YPEL2: variants seen among roughly 807,000 people sequenced by gnomAD.
YPEL2 encodes protein yippee-like 2.
A neutral mutation model predicts 19.1 loss-of-function variants in YPEL2; 2 were observed. That is an observed-to-expected ratio of 0.10 (90% CI 0.04 to 0.33). The LOEUF (loss-of-function observed/expected upper bound fraction) is 0.33. YPEL2 is among the 10% of genes least tolerant of loss of function. The pLI, the probability that YPEL2 is intolerant of heterozygous loss-of-function variation, is 1.00. For synonymous variants in YPEL2, 52 were observed against 50.0 expected (o/e 1.04, Z -0.17); for missense variants, 66 against 140.7 (o/e 0.47, Z 2.68).
At chr17:59,366,887 A>G (rs9906811) in intron 2 of YPEL2, among the ~76,000 whole-genome samples, 2,152 of 152,210 alleles carry the variant, frequency 0.014, 52 homozygotes, top group African/African-American at 0.049. Context: ...AAAAAACACA[A>G]AGTGTGTCTG....
At position 59,389,368 on chromosome 17, in the gene YPEL2, T is replaced by G; in HGVS notation, c.170T>G (p.Val57Gly). ...RAYLFNSVVN[V>G]GCGPAEERVL... ...CTTGTGCCTCGACATAGAGTTAATGTGGGCTGTGGGCCTGCAGAAGAGCGA... is the reference window on the plus strand; with the variant it reads ...CTTGTGCCTCGACATAGAGTTAATGGGGGCTGTGGGCCTGCAGAAGAGCGA... Residue 57 changes from valine (V) to glycine (G), a missense_variant, in exon 4 of 5, where the codon GTG (valine) becomes GGG (glycine). By Grantham distance (109) the Val-to-Gly change is moderately radical. Transcript: ENST00000312655. 6.2e-7 allele frequency: 1 copy of G among 1,613,990 alleles called. No individual in the cohort carries two copies.
In YPEL2 at chr17:59,375,188, C is replaced by T. The variant is rs1222995225; in HGVS notation, c.118-13139C>T. ...GCTTCAGGTGCATGGTTGACCTTTG[C>T]GCATAGGGAGGGGTCTTTCAAATCC... is the stretch of plus-strand genomic sequence containing the variant. On this transcript the variant is annotated intron_variant, in intron 2 of 4. Coordinates refer to ENST00000312655, the MANE Select transcript of YPEL2 (RefSeq NM_001005404.4). Among the ~76,000 whole-genome samples, 7 of 152,010 alleles carry T rather than the reference C, an allele frequency of 4.6e-5. No individual in the cohort carries two copies. In the East Asian group the frequency reaches 7.7e-4, roughly 17 times the overall value.
intron 1 of YPEL2, among the ~76,000 whole-genome samples, chr17:59,332,125 A>G (rs1436359642): frequency 1.3e-5 from 2 of 151,868 alleles, no homozygotes; most frequent in East Asian, 3.9e-4. Flanking sequence ...GGGCTGGGCG[A>G]GTCTGCGGGG....
intron 2 of YPEL2, among the ~76,000 whole-genome samples, chr17:59,377,599 G>C (rs1309872719): frequency 6.6e-6 from 1 of 152,228 alleles, no homozygotes; most frequent in Non-Finnish European, 1.5e-5. Flanking sequence ...GGCAGCATCT[G>C]CTTTCCCACT....
At chr17:59,393,354 TCTCAAACCGGC>T (rs1456972198) in intron 4 of YPEL2, among the ~76,000 whole-genome samples, 1 of 150,240 alleles carries the variant, frequency 6.7e-6, no homozygotes, top group Non-Finnish European at 1.5e-5. Flanking sequence ...CCCAGGCTGG[TCTCAAACCGGC>T]CTCAAGCAGT....
intron 2 of YPEL2, among the ~76,000 whole-genome samples, chr17:59,372,613 C>T (rs926643736): frequency 1.3e-5 from 2 of 152,208 alleles, no homozygotes; most frequent in African/African-American, 4.8e-5. Flanking sequence ...TCTCCGCTCC[C>T]TTCAGTAAGG....
chr17:59,382,620 G>A (rs915498524), intron 2 of YPEL2, among the ~76,000 whole-genome samples: 1 of 152,132 alleles, frequency 6.6e-6, no homozygotes, highest in Admixed American at 6.5e-5. Context: ...ATGAACATTT[G>A]TATAATTTAA....
chr17:59,353,208 G>A lies in YPEL2; in HGVS notation c.-195-7G>A. On this transcript the variant is annotated splice_region_variant and splice_polypyrimidine_tract_variant and intron_variant, in intron 1 of 4. Transcript: ENST00000312655. The surrounding 1 kb of genome is among the most constrained non-coding windows in gnomAD (Gnocchi z 4.8). ...CCAATGTTAGTCCTCTTCCCTTGATGTTACAGGCTGCTGAGAACTAGCCCT... is the reference window on the plus strand; with the variant it reads ...CCAATGTTAGTCCTCTTCCCTTGATATTACAGGCTGCTGAGAACTAGCCCT... 1 of 497,242 alleles carries A rather than the reference G, an allele frequency of 2.0e-6. No individual in the cohort carries two copies. Among genetic ancestry groups the A allele is most frequent in the Non-Finnish European group, 3.6e-6 (1 of 281,114 alleles). The allele number at this position is 497,242 out of a possible 1,614,324, so 30.8% of individuals were successfully genotyped here.
intron 2 of YPEL2, among the ~76,000 whole-genome samples, chr17:59,372,577 C>G (rs577714431): frequency 6.6e-6 from 1 of 152,304 alleles, no homozygotes; most frequent in Admixed American, 6.5e-5. Flanking sequence ...GATTTACTGC[C>G]CAGTGCTGCT....
chr17:59,364,018 T>C (rs367797598), intron 2 of YPEL2, among the ~76,000 whole-genome samples: 8 of 152,350 alleles, frequency 5.3e-5, no homozygotes, highest in African/African-American at 1.9e-4. Flanking sequence ...TCTGAATGTC[T>C]GTAGAACTCA....
chr17:59,370,544 A>G (rs974061507), intron 2 of YPEL2, among the ~76,000 whole-genome samples: 1 of 151,988 alleles, frequency 6.6e-6, no homozygotes, highest in Non-Finnish European at 1.5e-5. Flanking sequence ...CACACAACCT[A>G]TTTCTTGCTT....
At chr17:59,385,997 G>C (rs79396061) in intron 2 of YPEL2, among the ~76,000 whole-genome samples, 1 of 152,134 alleles carries the variant, frequency 6.6e-6, no homozygotes, top group Non-Finnish European at 1.5e-5. Flanking sequence ...TAAATAAACA[G>C]ATGATTTCAA....
At chr17:59,364,240 G>A (rs1425309211) in intron 2 of YPEL2, among the ~76,000 whole-genome samples, 1 of 152,042 alleles carries the variant, frequency 6.6e-6, no homozygotes, top group Non-Finnish European at 1.5e-5. Context: ...GGAAACCAAG[G>A]CCCAGAGAGA....
chr17:59,397,338 T>C lies in YPEL2; in HGVS notation c.*148T>C. ...TCCTCCCACCCTGACGCCATCTTTC[T>C]GGTGACCGGCCTCTAAATCGCTGTC... is the stretch of plus-strand genomic sequence containing the variant. On this transcript the variant is annotated 3_prime_UTR_variant, in exon 5 of 5. Transcript: ENST00000312655. 1 of 492,068 alleles carries C rather than the reference T, an allele frequency of 2.0e-6. No individual in the cohort carries two copies. The highest frequency in any genetic ancestry group is 3.6e-6 in the Non-Finnish European group (1 of 278,812). The allele number at this position is 492,068 out of a possible 1,614,324, so 30.5% of individuals were successfully genotyped here.
At chr17:59,361,091 C>T (rs1253535204) in intron 2 of YPEL2, among the ~76,000 whole-genome samples, 2 of 152,154 alleles carry the variant, frequency 1.3e-5, no homozygotes, top group African/African-American at 4.8e-5. Context: ...CTCTGCCTGC[C>T]AAAGTGCTGG....
chr17:59,333,838 A>G (rs1254171925), intron 1 of YPEL2, among the ~76,000 whole-genome samples: 1 of 152,160 alleles, frequency 6.6e-6, no homozygotes, highest in African/African-American at 2.4e-5. Flanking sequence ...CATTTTTACC[A>G]GGGGACCTAT....
At chr17:59,395,489 T>G (rs1026065484) in intron 4 of YPEL2, among the ~76,000 whole-genome samples, 1 of 152,144 alleles carries the variant, frequency 6.6e-6, no homozygotes, top group Non-Finnish European at 1.5e-5. Context: ...TGTTCTTATG[T>G]GTGTATCTCT....
At chr17:59,373,327 G>C (rs752612774) in intron 2 of YPEL2, among the ~76,000 whole-genome samples, 1 of 152,160 alleles carries the variant, frequency 6.6e-6, no homozygotes, top group Non-Finnish European at 1.5e-5. Context: ...ATGATAGGTG[G>C]AGTAGGTTGC....
At chr17:59,393,652 A>C (rs1267791434) in intron 4 of YPEL2, among the ~76,000 whole-genome samples, 1 of 146,254 alleles carries the variant, frequency 6.8e-6, no homozygotes, top group African/African-American at 2.6e-5. Context: ...TAGGCAGAGG[A>C]CCCTGCGGCC....
Sources: allele counts gnomAD v4.1 joint callset (sites outside exome capture counted in the v4.1 genomes callset), GRCh38; gene constraint gnomAD v4.1.1; non-coding constraint Gnocchi (gnomAD v3.1); transcripts MANE v1.5; gene names NCBI Gene and HGNC (gene_info 2026-07-23, HGNC 2026-07-21).